Variants in PCDH9 observed in about 807,000 individuals in gnomAD.
PCDH9 encodes protocadherin 9, also known as protocadherin-9.
PCDH9 carries 24 observed loss-of-function variants against 70.6 expected under a neutral mutation model. The observed-to-expected ratio is 0.34, with a 90% CI of 0.25 to 0.48. The LOEUF (loss-of-function observed/expected upper bound fraction) is 0.48, where lower values mean the gene tolerates loss of function less well. PCDH9 is among the 20% of genes least tolerant of loss of function. The probability of loss-of-function intolerance (pLI) is 0.99; values close to 1 mark genes in which losing one functional copy is unlikely to be tolerated. For synonymous variants in PCDH9, 562 were observed against 558.5 expected, an observed-to-expected ratio of 1.01 and a Z score of -0.09; for missense variants, 1,281 against 1,503.6, an observed-to-expected ratio of 0.85 and a Z score of 2.45.
At chr13:66,501,900 C>G (rs976852265) in intron 4 of PCDH9, among the ~76,000 whole-genome samples, 2 of 152,002 alleles carry the variant, frequency 1.3e-5, no homozygotes, top group Admixed American at 6.6e-5. Context: ...TGTAATCTAA[C>G]AGAAAAGACT....
intron 2 of PCDH9, among the ~76,000 whole-genome samples, chr13:67,113,393 G>A (rs986862383): frequency 6.6e-6 from 1 of 152,108 alleles, no homozygotes; most frequent in Non-Finnish European, 1.5e-5. Flanking sequence ...CCAGTGGTCC[G>A]TGTCTTATAA....
chr13:66,892,687 G>A (rs2082115582), intron 3 of PCDH9, among the ~76,000 whole-genome samples: 1 of 151,970 alleles, frequency 6.6e-6, no homozygotes, highest in African/African-American at 2.4e-5. Flanking sequence ...AATCAGGAAG[G>A]CTTTAGGCTG....
At chr13:66,650,847 C>T (rs1026505862) in intron 3 of PCDH9, among the ~76,000 whole-genome samples, 2 of 151,642 alleles carry the variant, frequency 1.3e-5, no homozygotes, top group Non-Finnish European at 1.5e-5. Context: ...TCTCTGATCA[C>T]AATAGAATAA....
chr13:66,390,321 A>G (rs1193416471), intron 4 of PCDH9, among the ~76,000 whole-genome samples: 1 of 152,134 alleles, frequency 6.6e-6, no homozygotes, highest in East Asian at 1.9e-4. Flanking sequence ...CTCTCACGGC[A>G]AAAAGAAGTC....
At chr13:66,923,791 T>C (rs2082675071) in intron 2 of PCDH9, among the ~76,000 whole-genome samples, 1 of 151,754 alleles carries the variant, frequency 6.6e-6, no homozygotes. Context: ...GCTTTATTAA[T>C]GAGGATGACA....
chr13:67,091,487 T>C (rs2086217242), intron 2 of PCDH9, among the ~76,000 whole-genome samples: 1 of 152,138 alleles, frequency 6.6e-6, no homozygotes, highest in African/African-American at 2.4e-5. Flanking sequence ...GCCAATGTTG[T>C]TCTCTTACTG....
At position 67,006,281 on chromosome 13, in the gene PCDH9, A is replaced by G. The variant is rs543496668; in HGVS notation, c.3037-102676T>C. Among the ~76,000 whole-genome samples, 4 of 152,308 alleles carry G rather than the reference A, an allele frequency of 2.6e-5. No homozygotes were observed. The South Asian group carries it at 6.2e-4, about 24-fold the overall frequency. The stretch of plus-strand genomic sequence containing the variant: ...TCTTATAAGGAGAAATATTGTTATA[A>G]CACCCTAAGTCCAAGACCTAAAAGA... On this transcript the variant is annotated intron_variant, in intron 2 of 4. Coordinates refer to ENST00000377865, the MANE Select transcript of PCDH9 (RefSeq NM_203487.3).
intron 4 of PCDH9, among the ~76,000 whole-genome samples, chr13:66,385,627 G>A (rs145207246): frequency 2.8e-3 from 427 of 152,022 alleles, no homozygotes; most frequent in Admixed American, 5.3e-3. Flanking sequence ...ATAGCCTCCC[G>A]GAACTTTTGT....
chr13:66,533,528 C>T (rs910372288), intron 4 of PCDH9, among the ~76,000 whole-genome samples: 20 of 151,738 alleles, frequency 1.3e-4, no homozygotes, highest in African/African-American at 3.6e-4. Context: ...ATCATTGTTC[C>T]CTGGATCCTA....
chr13:66,989,407 A>G (rs1021551163), intron 2 of PCDH9, among the ~76,000 whole-genome samples: 9 of 151,954 alleles, frequency 5.9e-5, no homozygotes, highest in South Asian at 2.1e-4. Flanking sequence ...TAAATGTACT[A>G]AAATTTAATT....
chr13:66,445,811 T>G (rs981909223), intron 4 of PCDH9, among the ~76,000 whole-genome samples: 2 of 105,262 alleles, frequency 1.9e-5, no homozygotes, highest in Non-Finnish European at 4.3e-5. Context: ...ACATATATTA[T>G]ATATACACAT....
intron 4 of PCDH9, among the ~76,000 whole-genome samples, chr13:66,563,707 A>G (rs2076610311): frequency 6.6e-6 from 1 of 152,040 alleles, no homozygotes; most frequent in Non-Finnish European, 1.5e-5. Context: ...ACATGATTAT[A>G]TTTGCGAATG....
intron 3 of PCDH9, among the ~76,000 whole-genome samples, chr13:66,643,521 T>G (rs775803320): frequency 6.6e-6 from 1 of 152,102 alleles, no homozygotes; most frequent in Non-Finnish European, 1.5e-5. Context: ...TTAGTTAGTC[T>G]GTCCTTTGAA....
At chr13:66,478,722 A>G (rs1443011727) in intron 4 of PCDH9, among the ~76,000 whole-genome samples, 1 of 152,230 alleles carries the variant, frequency 6.6e-6, no homozygotes, top group African/African-American at 2.4e-5. Flanking sequence ...TAAGCCGCAA[A>G]AGAAAAATTT....
At chr13:67,011,457 T>A (rs758229035) in intron 2 of PCDH9, among the ~76,000 whole-genome samples, 1 of 151,912 alleles carries the variant, frequency 6.6e-6, no homozygotes, top group African/African-American at 2.4e-5. Context: ...TTTGCCAGAA[T>A]GCTTTTCATT....
At chr13:66,570,712 A>T (rs1370305549) in intron 4 of PCDH9, among the ~76,000 whole-genome samples, 2 of 152,174 alleles carry the variant, frequency 1.3e-5, no homozygotes, top group East Asian at 3.8e-4. Context: ...TTGACAAAGT[A>T]GTTAGATTAG....
intron 4 of PCDH9, among the ~76,000 whole-genome samples, chr13:66,601,695 G>T (rs2077167522): frequency 6.8e-6 from 1 of 146,080 alleles, no homozygotes; most frequent in Non-Finnish European, 1.5e-5. Context: ...GTAGAGTCAT[G>T]CACTGCAGAA....
intron 3 of PCDH9, among the ~76,000 whole-genome samples, chr13:66,873,886 C>T (rs201047528): frequency 1.3e-5 from 2 of 150,748 alleles, no homozygotes; most frequent in South Asian, 4.2e-4. Flanking sequence ...AGGTCAATCA[C>T]ATCATTACAT....
intron 2 of PCDH9, among the ~76,000 whole-genome samples, chr13:67,134,070 C>T (rs893809704): frequency 6.6e-6 from 1 of 152,006 alleles, no homozygotes; most frequent in Non-Finnish European, 1.5e-5. Flanking sequence ...TGATATTGAA[C>T]AATTTAACTT....
Sources: allele counts gnomAD v4.1 joint callset (sites outside exome capture counted in the v4.1 genomes callset), GRCh38; gene constraint gnomAD v4.1.1; transcripts MANE v1.5; gene names NCBI Gene and HGNC (gene_info 2026-07-23, HGNC 2026-07-21).